ACYP2: variants seen among roughly 807,000 people sequenced by gnomAD.
ACYP2 encodes the protein acylphosphatase 2.
A neutral mutation model predicts 11.2 loss-of-function variants in ACYP2; 12 were observed. The ratio of observed to expected loss-of-function variants is 1.08; its 90% CI spans 0.69 to 1.74. The LOEUF (loss-of-function observed/expected upper bound fraction) is 1.74, where lower values mean the gene tolerates loss of function less well. Among genes scored for constraint, ACYP2 ranks in the 40% most tolerant of loss-of-function variants. ACYP2 has a pLI of 0.00. For missense variants in ACYP2, 134 were observed against 101.9 expected (o/e 1.31, Z -1.35); for synonymous variants, 43 against 32.2 (o/e 1.33, Z -1.13).
chr2:54,121,801 T>G (rs144595297), intron 4 of ACYP2, among the ~76,000 whole-genome samples: 188 of 152,368 alleles, frequency 1.2e-3, no homozygotes, highest in African/African-American at 4.5e-3. Context: ...CACTTGTATG[T>G]GTCTCTCACT....
At chr2:54,039,234 T>TC (rs1558487943) in intron 2 of ACYP2, among the ~76,000 whole-genome samples, 16 of 149,882 alleles carry the variant, frequency 1.1e-4, no homozygotes, top group Non-Finnish European at 4.4e-5. Flanking sequence ...TTTTTTTTTT[T>TC]TCCCCAGCCT....
chr2:54,178,648 C>G (rs527971612), intron 6 of ACYP2, among the ~76,000 whole-genome samples: 2 of 152,240 alleles, frequency 1.3e-5, no homozygotes, highest in East Asian at 3.9e-4. Context: ...CTTGGTGGCC[C>G]TTTTATATCC....
intron 6 of ACYP2, among the ~76,000 whole-genome samples, chr2:54,247,777 G>T (rs1356372760): frequency 6.6e-6 from 1 of 152,144 alleles, no homozygotes; most frequent in African/African-American, 2.4e-5. Flanking sequence ...TAGTATTTCT[G>T]TCCATATGTA....
chr2:54,127,582 T>G (rs7355609), intron 4 of ACYP2, among the ~76,000 whole-genome samples: 7,823 of 151,362 alleles, frequency 0.052, 631 homozygotes, highest in African/African-American at 0.18. Context: ...ACACAAAAAT[T>G]ACAAAAATAC....
In ACYP2 at chr2:54,036,420, A is replaced by T. The variant is rs79131107; in HGVS notation, c.63-14538A>T. ...AAAGTCCCTTTTGCCATGTAAAGTAACACTCACAGTTTCTGTGGGCATCTT... is the reference window on the plus strand; with the variant it reads ...AAAGTCCCTTTTGCCATGTAAAGTATCACTCACAGTTTCTGTGGGCATCTT... On this transcript the variant is annotated intron_variant, in intron 2 of 6. Coordinates refer to ENST00000607452, the MANE Select transcript of ACYP2 (RefSeq NM_001320586.2). Among the ~76,000 whole-genome samples the T allele has an allele frequency of 3.6e-4, 55 of 152,328 alleles. 1 individual carries two copies. The East Asian group carries it at 0.01, about 28-fold the overall frequency.
intron 6 of ACYP2, chr2:54,142,554 C>G (rs548131861): frequency 9.9e-5 from 15 of 152,188 alleles, no homozygotes; most frequent in African/African-American, 3.4e-4. Flanking sequence ...GAGATCGTGT[C>G]TCTACAAAAA....
intron 6 of ACYP2, among the ~76,000 whole-genome samples, chr2:54,279,334 T>C (rs564698218): frequency 1.3e-5 from 2 of 152,294 alleles, no homozygotes; most frequent in South Asian, 2.1e-4. Flanking sequence ...AGTGACCCAG[T>C]TGAGTAAATG....
At chr2:54,282,168 G>A (rs547005077) in intron 6 of ACYP2, among the ~76,000 whole-genome samples, 4 of 152,054 alleles carry the variant, frequency 2.6e-5, no homozygotes, top group African/African-American at 9.7e-5. Flanking sequence ...AATCTCTTAT[G>A]AAATAACAGA....
chr2:54,003,421 G>A (rs748730450), intron 2 of ACYP2, among the ~76,000 whole-genome samples: 3 of 151,976 alleles, frequency 2.0e-5, no homozygotes, highest in Non-Finnish European at 2.9e-5. Flanking sequence ...CACCACATCC[G>A]GCTAATTTTT....
At chr2:54,132,864 C>G (rs564849248) in intron 4 of ACYP2, among the ~76,000 whole-genome samples, 2 of 151,900 alleles carry the variant, frequency 1.3e-5, no homozygotes, top group South Asian at 4.2e-4. Context: ...CCTGCCTCAG[C>G]CTCCCAAGTA....
In ACYP2 at chr2:54,264,649, A is replaced by T. The variant is rs1687937865; in HGVS notation, c.405-40039A>T. Among the ~76,000 whole-genome samples, 3 of 152,198 alleles carry T rather than the reference A, an allele frequency of 2.0e-5. No individual in the cohort carries two copies. The South Asian group carries it at 6.2e-4, about 32-fold the overall frequency. ...GGGATGCCGGTCTGGAGATGGGTGG[A>T]TGCATATTATACAGAAACAAGTAGA... On this transcript the variant is annotated intron_variant, in intron 6 of 6. Coordinates refer to ENST00000607452, the MANE Select transcript of ACYP2 (RefSeq NM_001320586.2).
chr2:54,057,186 G>A, intron 3 of ACYP2: 1 of 396,188 alleles, frequency 2.5e-6, no homozygotes. Flanking sequence ...CCTGCCCTTG[G>A]GGTTTCTTGG....
chr2:53,991,518 G>C (rs547263834), intron 2 of ACYP2, among the ~76,000 whole-genome samples: 1 of 151,442 alleles, frequency 6.6e-6, no homozygotes, highest in South Asian at 2.1e-4. Flanking sequence ...TGATTCTCCT[G>C]CTTCAGCCTC....
intron 6 of ACYP2, among the ~76,000 whole-genome samples, chr2:54,298,893 C>T (rs760646774): frequency 2.6e-5 from 4 of 152,174 alleles, no homozygotes; most frequent in South Asian, 2.1e-4. Flanking sequence ...CTGGACTTAA[C>T]GGTGCACACC....
intron 6 of ACYP2, among the ~76,000 whole-genome samples, chr2:54,211,983 T>G (rs1685347246): frequency 6.6e-6 from 1 of 152,192 alleles, no homozygotes; most frequent in African/African-American, 2.4e-5. Flanking sequence ...AGGGGCTGAT[T>G]GTAAGCTCCA....
At chr2:54,004,702 G>A (rs182872786) in intron 2 of ACYP2, among the ~76,000 whole-genome samples, 21 of 151,838 alleles carry the variant, frequency 1.4e-4, no homozygotes, top group African/African-American at 4.1e-4. Flanking sequence ...GAGCCACCGC[G>A]CTCAGCCAGT....
chr2:54,236,512 T>G (rs576858191), intron 6 of ACYP2, among the ~76,000 whole-genome samples: 13 of 152,320 alleles, frequency 8.5e-5, no homozygotes, highest in Non-Finnish European at 1.6e-4. Flanking sequence ...TAGGTAAATT[T>G]TTGTTATTGA....
At chr2:54,115,543 G>A in intron 4 of ACYP2, 72 bp from the exon 1 acceptor site, 1 of 1,509,550 alleles carries the variant, frequency 6.6e-7, no homozygotes, top group Non-Finnish European at 8.9e-7. Context: ...CTCATTTGCC[G>A]CTTCCGACGC....
At chr2:54,201,630 TTCTTTC>T (rs60990569) in intron 6 of ACYP2, among the ~76,000 whole-genome samples, 15 of 90,590 alleles carry the variant, frequency 1.7e-4, no homozygotes, top group African/African-American at 5.4e-4. Context: ...CTTTGTTTCT[TTCTTTC>T]TCTTTCTTTC....
Sources: gnomAD v4.1 joint callset for allele counts (sites outside exome capture counted in the v4.1 genomes callset) on GRCh38, gnomAD v4.1.1 for gene constraint, MANE v1.5 for transcripts, NCBI Gene and HGNC (gene_info 2026-07-23, HGNC 2026-07-21) for gene names.